The following COL14A1 variants were observed in gnomAD, a reference collection of about 807,000 sequenced individuals.
COL14A1 encodes the protein collagen type XIV alpha 1 chain.
A neutral mutation model predicts 230.3 loss-of-function variants in COL14A1; 136 were observed. The ratio of observed to expected loss-of-function variants is 0.59; its 90% confidence interval spans 0.51 to 0.68. COL14A1 has a LOEUF of 0.68. COL14A1 is among the 30% of genes least tolerant of loss of function. The probability of loss-of-function intolerance (pLI) is 0.00; values close to 1 mark genes in which losing one functional copy is unlikely to be tolerated. For missense variants in COL14A1, 1,976 were observed against 2,215.8 expected (o/e 0.89, Z 2.17); for synonymous variants, 792 against 784.1 (o/e 1.01, Z -0.17).
At chr8:120,145,299 G>A (rs1415335759) in intron 1 of COL14A1, among the ~76,000 whole-genome samples, 1 of 152,124 alleles carries the variant, frequency 6.6e-6, no homozygotes, top group Non-Finnish European at 1.5e-5. Context: ...AGAGCATTGT[G>A]TACCTATATT....
At chr8:120,370,361 G>A (rs1301384247) in intron 47 of COL14A1, 16 of 1,611,854 alleles carry the variant, frequency 9.9e-6, no homozygotes, top group Non-Finnish European at 1.4e-5. Context: ...ATGATTACCA[G>A]CACTGAAGTG....
chr8:120,320,546 A>G (rs955177584), intron 40 of COL14A1, among the ~76,000 whole-genome samples: 3 of 152,192 alleles, frequency 2.0e-5, no homozygotes, highest in African/African-American at 4.8e-5. Flanking sequence ...TGAGTCAACT[A>G]TCTGGGTTTA....
At position 120,266,944 on chromosome 8, in the gene COL14A1, G is replaced by A; in HGVS notation, c.3073+61G>A. 2 of 1,419,266 alleles carry A rather than the reference G, an allele frequency of 1.4e-6. 1 individual carries two copies. The highest frequency in any genetic ancestry group is 3.5e-4 in the Middle Eastern group (2 of 5,660). The allele number at this position is 1,419,266 out of a possible 1,614,324, so 87.9% of individuals were successfully genotyped here. ...TTTAGGATTTGTGTTGGTTTTGTTT[G>A]CCTGTTCATTTCAAACCAGGATATT... On this transcript the variant is annotated intron_variant, in intron 25 of 47. Transcript: ENST00000297848.
chr8:120,171,258 A>G (rs1462778680), intron 5 of COL14A1, among the ~76,000 whole-genome samples: 1 of 152,154 alleles, frequency 6.6e-6, no homozygotes, highest in Non-Finnish European at 1.5e-5. Flanking sequence ...ATTCTTGACA[A>G]ATACATTAAC....
intron 5 of COL14A1, among the ~76,000 whole-genome samples, chr8:120,193,738 C>G (rs1024191566): frequency 2.3e-4 from 35 of 152,330 alleles, no homozygotes; most frequent in African/African-American, 7.9e-4. Flanking sequence ...GTTACCTAAG[C>G]AAGCCTGGGC....
intron 1 of COL14A1, among the ~76,000 whole-genome samples, chr8:120,136,515 A>G (rs1328630945): frequency 6.6e-6 from 1 of 152,140 alleles, no homozygotes; most frequent in Non-Finnish European, 1.5e-5. Flanking sequence ...CCAATATTAC[A>G]TTCCTGTAAT....
intron 38 of COL14A1, 132 bp from the exon 39 acceptor site, chr8:120,315,401 T>C: frequency 2.3e-6 from 1 of 442,536 alleles, no homozygotes; most frequent in East Asian, 3.5e-5. Flanking sequence ...AAAGTGTATA[T>C]ATATATATTC....
chr8:120,138,175 G>T (rs1161303119), intron 1 of COL14A1, among the ~76,000 whole-genome samples: 1 of 150,394 alleles, frequency 6.6e-6, no homozygotes, highest in Non-Finnish European at 1.5e-5. Context: ...CCAATATATT[G>T]TCTAATTGTT....
intron 45 of COL14A1, among the ~76,000 whole-genome samples, chr8:120,357,161 A>T (rs894851874): frequency 3.9e-5 from 6 of 152,198 alleles, no homozygotes; most frequent in African/African-American, 1.4e-4. Context: ...TTTGAGTTTT[A>T]CGTGGGTCCT....
At chr8:120,358,537 G>A (rs1044782539) in intron 45 of COL14A1, among the ~76,000 whole-genome samples, 1 of 151,802 alleles carries the variant, frequency 6.6e-6, no homozygotes, top group Non-Finnish European at 1.5e-5. Context: ...AGACATCATG[G>A]TGACAGCAGA....
intron 26 of COL14A1, among the ~76,000 whole-genome samples, chr8:120,272,942 G>A (rs903105754): frequency 6.6e-6 from 1 of 151,634 alleles, no homozygotes; most frequent in Non-Finnish European, 1.5e-5. Context: ...AGAACAAATG[G>A]ACCTAACATG....
chr8:120,161,979 TA>T (rs1439804060), intron 3 of COL14A1, among the ~76,000 whole-genome samples: 1 of 152,232 alleles, frequency 6.6e-6, no homozygotes, highest in African/African-American at 2.4e-5. Flanking sequence ...CCTTCACTTT[TA>T]AGTGGAATTC....
chr8:120,341,308 A>G lies in COL14A1; in HGVS notation c.4786-17A>G, dbSNP rs772503887. On this transcript the variant is annotated splice_polypyrimidine_tract_variant and intron_variant, in intron 42 of 47. Coordinates refer to ENST00000297848, the MANE Select transcript of COL14A1 (RefSeq NM_021110.4). The stretch of plus-strand genomic sequence containing the variant: ...GTGCAATATCATAAGTAACTTGACA[A>G]TTTTCCATTTATACAGGGTGTCCCT... The G allele has an allele frequency of 3.7e-6, 6 of 1,613,998 alleles. No individual in the cohort carries two copies. Among genetic ancestry groups the G allele is most frequent in the Non-Finnish European group, 5.1e-6 (6 of 1,179,894 alleles).
intron 45 of COL14A1, among the ~76,000 whole-genome samples, chr8:120,348,323 A>ATG (rs1470377778): frequency 1.3e-5 from 2 of 148,576 alleles, no homozygotes; most frequent in African/African-American, 4.9e-5. Context: ...ATATATATAT[A>ATG]TGTATATGAT....
At chr8:120,133,754 G>T (rs537509328) in intron 1 of COL14A1, among the ~76,000 whole-genome samples, 1 of 152,064 alleles carries the variant, frequency 6.6e-6, no homozygotes, top group South Asian at 2.1e-4. Flanking sequence ...AAAGTTTCCA[G>T]GATAAATATT....
chr8:120,134,618 G>A lies in COL14A1; in HGVS notation c.-38+9278G>A, dbSNP rs566917049. Among the ~76,000 whole-genome samples the A allele has an allele frequency of 5.3e-5, 8 of 152,188 alleles. No homozygotes were observed. The South Asian group carries it at 8.3e-4, about 16-fold the overall frequency. On this transcript the variant is annotated intron_variant, in intron 1 of 47. Coordinates refer to ENST00000297848, the MANE Select transcript of COL14A1 (RefSeq NM_021110.4). ...AGAAAAAAAATAAATATTGGGCAAC[G>A]TGTTTTATCATATATGATGGAAAAA...
At chr8:120,169,042 GAC>G (rs1367419076) in intron 5 of COL14A1, among the ~76,000 whole-genome samples, 1 of 152,080 alleles carries the variant, frequency 6.6e-6, no homozygotes, top group Non-Finnish European at 1.5e-5. Flanking sequence ...TTTTAGTAGA[GAC>G]AGGGTTTTGC....
chr8:120,163,194 A>C (rs1815742879), intron 4 of COL14A1, among the ~76,000 whole-genome samples: 1 of 152,208 alleles, frequency 6.6e-6, no homozygotes, highest in Non-Finnish European at 1.5e-5. Context: ...CTCCATGATA[A>C]GCTGATTTGT....
At chr8:120,357,989 GAAAA>G (rs1249537500) in intron 45 of COL14A1, among the ~76,000 whole-genome samples, 1 of 151,870 alleles carries the variant, frequency 6.6e-6, no homozygotes, top group African/African-American at 2.4e-5. Context: ...AAGAACGAGA[GAAAA>G]AAAGCCATTG....
Sources: allele counts gnomAD v4.1 joint callset (sites outside exome capture counted in the v4.1 genomes callset), GRCh38; gene constraint gnomAD v4.1.1; transcripts MANE v1.5; gene names NCBI Gene and HGNC (gene_info 2026-07-23, HGNC 2026-07-21).